The following TNRC6B variants were observed in gnomAD, a reference collection of about 807,000 sequenced individuals.
TNRC6B encodes the protein trinucleotide repeat-containing gene 6B protein.
TNRC6B carries 52 observed loss-of-function variants against 203.6 expected under a neutral mutation model. That is an observed-to-expected ratio of 0.26 (90% CI 0.20 to 0.32). The LOEUF (loss-of-function observed/expected upper bound fraction) is 0.32. Among genes scored for constraint, TNRC6B ranks in the 10% least tolerant of loss-of-function variants. The pLI is 1.00. For synonymous variants in TNRC6B, 838 were observed against 845.7 expected (o/e 0.99, Z 0.16); for missense variants, 1,923 against 2,286.2 (o/e 0.84, Z 3.24).
chr22:40,174,469 C>T (rs536110061), upstream of TNRC6B, among the ~76,000 whole-genome samples: 2 of 152,302 alleles, frequency 1.3e-5, no homozygotes, highest in East Asian at 3.9e-4. Flanking sequence ...GTATAAGCCA[C>T]CATGCCTGGC....
At chr22:40,105,002 C>T (rs965178373) in intron 1 of TNRC6B, among the ~76,000 whole-genome samples, 1 of 152,146 alleles carries the variant, frequency 6.6e-6, no homozygotes, top group Non-Finnish European at 1.5e-5. Flanking sequence ...CAGCTTGTAG[C>T]TAGTCTGCAG....
chr22:40,282,453 A>G (rs373827238), intron 11 of TNRC6B, among the ~76,000 whole-genome samples: 1 of 152,194 alleles, frequency 6.6e-6, no homozygotes, highest in African/African-American at 2.4e-5. Context: ...TACTGTTTAT[A>G]TAAATGGAAG....
At chr22:40,158,154 G>A (rs934025935) in intron 4 of TNRC6B, among the ~76,000 whole-genome samples, 5 of 151,910 alleles carry the variant, frequency 3.3e-5, no homozygotes, top group Admixed American at 1.3e-4. Context: ...CCTGACCAAC[G>A]TGGTGAAACC....
chr22:40,316,582 C>G (rs2071262457), intron 21 of TNRC6B, among the ~76,000 whole-genome samples: 1 of 152,118 alleles, frequency 6.6e-6, no homozygotes. Context: ...CCCAGAATTG[C>G]ATTGCATTGC....
At chr22:40,050,919 G>A (rs2067739041) in intron 1 of TNRC6B, among the ~76,000 whole-genome samples, 1 of 151,738 alleles carries the variant, frequency 6.6e-6, no homozygotes, top group African/African-American at 2.4e-5. Context: ...CTGCCTCCTG[G>A]GTTCAAGCAA....
chr22:40,145,597 A>C lies in TNRC6B; in HGVS notation c.46-10518A>C, dbSNP rs1469476516. ...GGTGGTTCACGCCTGTAATCCCAGC[A>C]CTTTGGGAGGCTAAGGCAGGCGGAT... On this transcript the variant is annotated intron_variant, in intron 3 of 23. Transcript: ENST00000301923. Among the ~76,000 whole-genome samples, 3 of 152,302 alleles carry C rather than the reference A, an allele frequency of 2.0e-5. No individual in the cohort carries two copies. The East Asian group carries it at 5.8e-4, about 29-fold the overall frequency.
intron 1 of TNRC6B, among the ~76,000 whole-genome samples, chr22:40,214,340 G>C (rs1379684005): frequency 6.6e-6 from 1 of 152,000 alleles, no homozygotes; most frequent in Non-Finnish European, 1.5e-5. Flanking sequence ...CTCTTGACTG[G>C]GGTGTTGGTT....
intron 3 of TNRC6B, among the ~76,000 whole-genome samples, chr22:40,132,620 G>A (rs1220648519): frequency 1.4e-5 from 2 of 147,220 alleles, no homozygotes; most frequent in Non-Finnish European, 3.0e-5. Context: ...ACTCCAGCCT[G>A]GGCAACAGAG....
chr22:40,130,779 T>TAAAAA (rs200268757), intron 3 of TNRC6B, among the ~76,000 whole-genome samples: 24 of 65,008 alleles, frequency 3.7e-4, no homozygotes, highest in African/African-American at 1.5e-3. Flanking sequence ...AGACTCCGTC[T>TAAAAA]AAAAAAAAAA....
rs1190521077 is a variant in TNRC6B at position 40,328,146 on chromosome 22, AT to A, written c.*4908del. On this transcript the variant is annotated 3_prime_UTR_variant, in exon 23 of 23. Transcript: ENST00000454349. ...CAGTCCCCAACCCTGGACGTGTTTC[AT>A]TTACAACATTCATAGGAGTTAACTT... 6.6e-6 allele frequency: 1 copy of A among 152,232 alleles called. No homozygotes were observed. The highest frequency in any genetic ancestry group is 1.5e-5 in the Non-Finnish European group (1 of 68,036). 9.4% of individuals were successfully genotyped at this position (152,232 alleles called of 1,614,324 possible). A position where few individuals can be genotyped will look rare whatever the true frequency, so the allele number is the denominator to read the frequency against.
intron 3 of TNRC6B, among the ~76,000 whole-genome samples, chr22:40,142,330 G>A (rs2068651486): frequency 6.6e-6 from 1 of 151,784 alleles, no homozygotes; most frequent in Non-Finnish European, 1.5e-5. Flanking sequence ...TCACAGCACT[G>A]GGATTACAGG....
At chr22:40,156,081 G>T (rs2146353294) in intron 3 of TNRC6B, 1 of 1,557,214 alleles carries the variant, frequency 6.4e-7, no homozygotes, top group South Asian at 1.2e-5. Context: ...TGTAGTTACT[G>T]ACTGCTGCTG....
intron 22 of TNRC6B, 137 bp downstream of exon 22, chr22:40,321,366 C>A (rs2071331869): frequency 5.5e-6 from 6 of 1,084,522 alleles, no homozygotes; most frequent in Non-Finnish European, 7.9e-6. Context: ...CTGCAAGTCT[C>A]GAGTGTGGAG....
chr22:40,165,366 A>G (rs2068910263), intron 4 of TNRC6B, among the ~76,000 whole-genome samples: 1 of 151,778 alleles, frequency 6.6e-6, no homozygotes, highest in African/African-American at 2.4e-5. Flanking sequence ...TAGTAGCGAC[A>G]AAGCCTGACT....
chr22:40,328,716 G>C lies in TNRC6B; in HGVS notation c.*5475G>C, dbSNP rs2071431037. The C allele has an allele frequency of 6.6e-6, 1 of 152,190 alleles. No homozygotes were observed. The highest frequency in any genetic ancestry group is 1.5e-5 in the Non-Finnish European group (1 of 68,028). 9.4% of individuals were successfully genotyped at this position (152,190 alleles called of 1,614,324 possible). A position where few individuals can be genotyped will look rare whatever the true frequency, so the allele number is the denominator to read the frequency against. On this transcript the variant is annotated 3_prime_UTR_variant, in exon 23 of 23. Coordinates refer to ENST00000454349, the MANE Select transcript of TNRC6B (RefSeq NM_001162501.2). ...TACGCCAAGCCTGTTTTTCTCTGCAGAGTAAACAGGATGTTTTCAGCAGAC... is the reference window on the plus strand; with the variant it reads ...TACGCCAAGCCTGTTTTTCTCTGCACAGTAAACAGGATGTTTTCAGCAGAC...
At chr22:40,319,976 T>G (rs1448915332) in intron 21 of TNRC6B, among the ~76,000 whole-genome samples, 3 of 152,202 alleles carry the variant, frequency 2.0e-5, no homozygotes, top group Non-Finnish European at 2.9e-5. Context: ...TATGCTGACA[T>G]GCTTGTGTAA....
At chr22:40,200,527 A>G (rs1340207613) in intron 1 of TNRC6B, among the ~76,000 whole-genome samples, 1 of 151,486 alleles carries the variant, frequency 6.6e-6, no homozygotes, top group Admixed American at 6.6e-5. Context: ...ACCTCAGGTG[A>G]TCTGCCCGCC....
chr22:40,052,076 G>A (rs1253562982), intron 1 of TNRC6B, among the ~76,000 whole-genome samples: 1 of 152,090 alleles, frequency 6.6e-6, no homozygotes, highest in Non-Finnish European at 1.5e-5. Flanking sequence ...TCCAGCCACT[G>A]GTCTTTTGGC....
At chr22:40,198,865 G>A (rs2069373800) in intron 1 of TNRC6B, among the ~76,000 whole-genome samples, 3 of 152,004 alleles carry the variant, frequency 2.0e-5, no homozygotes, top group African/African-American at 7.2e-5. Flanking sequence ...AGAGGGGGAG[G>A]GTGCCTGGGA....
Sources: gnomAD v4.1 joint callset for allele counts (sites outside exome capture counted in the v4.1 genomes callset) on GRCh38, gnomAD v4.1.1 for gene constraint, MANE v1.5 for transcripts, NCBI Gene and HGNC (gene_info 2026-07-23, HGNC 2026-07-21) for gene names.